AGBL4: variants seen among roughly 807,000 people sequenced by gnomAD.
AGBL4 encodes AGBL carboxypeptidase 4, also known as cytosolic carboxypeptidase 6.
Under a neutral mutation model 66.4 loss-of-function variants are expected in AGBL4, and 58 were observed. The observed-to-expected ratio is 0.87, with a 90% CI of 0.71 to 1.09. AGBL4 has a LOEUF of 1.09. Ranked by LOEUF, AGBL4 falls within the 50% of genes least tolerant of loss-of-function variation. The probability of loss-of-function intolerance (pLI) is 0.00; values close to 1 mark genes in which losing one functional copy is unlikely to be tolerated. For synonymous variants in AGBL4, 234 were observed against 222.9 expected (o/e 1.05, Z -0.44); for missense variants, 579 against 631.0 (o/e 0.92, Z 0.88).
At chr1:48,769,597 C>T (rs951697661) in intron 6 of AGBL4, among the ~76,000 whole-genome samples, 15 of 149,134 alleles carry the variant, frequency 1.0e-4, no homozygotes, top group Admixed American at 6.0e-4. Context: ...TTGTATGCTC[C>T]TTCCAAGTGC....
intron 4 of AGBL4, among the ~76,000 whole-genome samples, chr1:49,047,049 A>G (rs1348551404): frequency 2.0e-5 from 3 of 152,154 alleles, no homozygotes; most frequent in African/African-American, 7.2e-5. Context: ...GATAGAACAG[A>G]GCATTATAAC....
intron 1 of AGBL4, among the ~76,000 whole-genome samples, chr1:49,874,888 A>G (rs1444714353): frequency 1.3e-5 from 2 of 151,750 alleles, no homozygotes; most frequent in Admixed American, 1.3e-4. Context: ...GGTTAGTTAC[A>G]TATGTATACA....
chr1:49,063,179 A>G (rs1468086338), intron 4 of AGBL4, among the ~76,000 whole-genome samples: 2 of 152,106 alleles, frequency 1.3e-5, no homozygotes, highest in African/African-American at 4.8e-5. Context: ...TTTGCAATCT[A>G]TTTGGGAAGT....
chr1:48,963,768 T>C (rs1269093692), intron 5 of AGBL4, among the ~76,000 whole-genome samples: 1 of 152,160 alleles, frequency 6.6e-6, no homozygotes, highest in Non-Finnish European at 1.5e-5. Context: ...GAGCAACAGA[T>C]TAAGGTCAAA....
At chr1:48,706,655 T>C (rs572503585) in intron 6 of AGBL4, among the ~76,000 whole-genome samples, 1 of 152,000 alleles carries the variant, frequency 6.6e-6, no homozygotes, top group South Asian at 2.1e-4. Context: ...AAAATGTAAA[T>C]AAAAAAAGTT....
chr1:49,880,866 G>A (rs1330500038), intron 1 of AGBL4, among the ~76,000 whole-genome samples: 2 of 151,984 alleles, frequency 1.3e-5, no homozygotes, highest in East Asian at 1.9e-4. Context: ...CTCGTGGTGC[G>A]CCGTTTTTTA....
chr1:49,264,836 C>T (rs746846584), intron 3 of AGBL4, among the ~76,000 whole-genome samples: 1 of 152,202 alleles, frequency 6.6e-6, no homozygotes, highest in Admixed American at 6.5e-5. Context: ...TGAGCCACCA[C>T]GCCCGGCCCT....
At chr1:48,903,234 C>T (rs141396249) in intron 5 of AGBL4, among the ~76,000 whole-genome samples, 18 of 152,300 alleles carry the variant, frequency 1.2e-4, no homozygotes, top group East Asian at 1.2e-3. Flanking sequence ...CCTTTAATCT[C>T]GCCTCCAAGT....
chr1:49,838,876 T>C (rs879131391), intron 2 of AGBL4, among the ~76,000 whole-genome samples: 11 of 152,216 alleles, frequency 7.2e-5, no homozygotes, highest in Admixed American at 3.3e-4. Flanking sequence ...TTTAATAAGA[T>C]GATGTGTCTC....
chr1:49,781,564 C>T (rs530060404), intron 2 of AGBL4, among the ~76,000 whole-genome samples: 68 of 152,104 alleles, frequency 4.5e-4, no homozygotes, highest in African/African-American at 1.5e-3. Context: ...GACTGCAATA[C>T]GCCATTTTCA....
chr1:48,548,312 G>A (rs1173156448), intron 11 of AGBL4, among the ~76,000 whole-genome samples: 1 of 151,972 alleles, frequency 6.6e-6, no homozygotes, highest in African/African-American at 2.4e-5. Context: ...ATGGGCTTGG[G>A]GGAGGTGAAG....
rs78460589 is a variant in AGBL4 at position 49,387,997 on chromosome 1, C to T, written c.283-142133G>A. Among the ~76,000 whole-genome samples the T allele has an allele frequency of 2.2e-4, 33 of 151,984 alleles. No homozygotes were observed. In the East Asian group the frequency reaches 5.8e-3, roughly 27 times the overall value. On this transcript the variant is annotated intron_variant, in intron 3 of 13. Coordinates refer to ENST00000371839, the MANE Select transcript of AGBL4 (RefSeq NM_032785.4). ...ATTTGTAACATGGATATAAGATGCCCAATACACAATGTTGTTGTAAAGACT... is the reference window on the plus strand; with the variant it reads ...ATTTGTAACATGGATATAAGATGCCTAATACACAATGTTGTTGTAAAGACT...
chr1:49,780,022 C>T (rs570043534), intron 2 of AGBL4, among the ~76,000 whole-genome samples: 5 of 152,180 alleles, frequency 3.3e-5, no homozygotes, highest in South Asian at 2.1e-4. Context: ...GGCACTTTTG[C>T]CTCTTTCAAA....
chr1:49,640,163 T>A (rs1001476160), intron 3 of AGBL4, among the ~76,000 whole-genome samples: 2 of 152,164 alleles, frequency 1.3e-5, no homozygotes, highest in Non-Finnish European at 1.5e-5. Flanking sequence ...CCAACAAAAT[T>A]ACATTTTTAG....
chr1:48,850,071 C>T (rs1647000205), intron 6 of AGBL4, among the ~76,000 whole-genome samples: 1 of 152,244 alleles, frequency 6.6e-6, no homozygotes, highest in Admixed American at 6.5e-5. Flanking sequence ...ACTCTCCCAG[C>T]AGCCCCTGTC....
intron 3 of AGBL4, among the ~76,000 whole-genome samples, chr1:49,599,917 T>C (rs1247955053): frequency 6.6e-6 from 1 of 152,158 alleles, no homozygotes; most frequent in Non-Finnish European, 1.5e-5. Context: ...TAGCTGTGCA[T>C]TTTTGAATTA....
intron 2 of AGBL4, among the ~76,000 whole-genome samples, chr1:49,746,145 G>A (rs1650971610): frequency 6.6e-6 from 1 of 151,782 alleles, no homozygotes; most frequent in Non-Finnish European, 1.5e-5. Flanking sequence ...CTGCTTGTAT[G>A]CCATCAACAC....
At chr1:48,802,181 T>C (rs2148744878) in intron 6 of AGBL4, among the ~76,000 whole-genome samples, 1 of 152,310 alleles carries the variant, frequency 6.6e-6, no homozygotes, top group African/African-American at 2.4e-5. Flanking sequence ...TCTACTTTCT[T>C]GAACACACCA....
In AGBL4 at chr1:48,689,219, A is replaced by AAAAAAAAAAG. The variant is rs1553207682; in HGVS notation, c.635-25979_635-25978insCTTTTTTTTT. 8.4e-3 allele frequency among the ~76,000 whole-genome samples: 1,186 copies of AAAAAAAAAAG among 141,302 alleles called. 34 individuals are homozygous for AAAAAAAAAAG. Among genetic ancestry groups the AAAAAAAAAAG allele is most frequent in the African/African-American group, 0.034 (1,093 of 32,112 alleles). The allele number at this position is 141,302 out of a possible 152,430, so 92.7% of individuals were successfully genotyped here. On this transcript the variant is annotated intron_variant, in intron 6 of 13. Coordinates refer to ENST00000371839, the MANE Select transcript of AGBL4 (RefSeq NM_032785.4). ...ACCCGGTCTCAAAAAAAAAAAAAAA[A>AAAAAAAAAAG]AAAAGAAAAGAAAAGAAAAGAAACA... is the stretch of plus-strand genomic sequence containing the variant.
Sources: allele counts gnomAD v4.1 joint callset (sites outside exome capture counted in the v4.1 genomes callset), GRCh38; gene constraint gnomAD v4.1.1; transcripts MANE v1.5; gene names NCBI Gene and HGNC (gene_info 2026-07-23, HGNC 2026-07-21).